Variants in OTUD7A observed in about 807,000 individuals in gnomAD.
OTUD7A encodes the protein OTU deubiquitinase 7A.
Under a neutral mutation model 65.7 loss-of-function variants are expected in OTUD7A, and 12 were observed. That is an observed-to-expected ratio of 0.18 (90% confidence interval 0.12 to 0.30). The LOEUF is 0.30. Among genes scored for constraint, OTUD7A ranks in the 10% least tolerant of loss-of-function variants. The pLI, the probability that OTUD7A is intolerant of heterozygous loss-of-function variation, is 1.00. For missense variants in OTUD7A, 1,148 were observed against 1,304.8 expected (o/e 0.88, Z 1.85); for synonymous variants, 641 against 586.3 (o/e 1.09, Z -1.35).
At chr15:31,778,336 T>C (rs1197738333) in intron 1 of OTUD7A, among the ~76,000 whole-genome samples, 1 of 152,008 alleles carries the variant, frequency 6.6e-6, no homozygotes, top group African/African-American at 2.4e-5. Context: ...AAATATACCA[T>C]GGGGTGCAGC....
chr15:31,781,157 A>C (rs1266125697), intron 1 of OTUD7A, among the ~76,000 whole-genome samples: 1 of 152,152 alleles, frequency 6.6e-6, no homozygotes, highest in Non-Finnish European at 1.5e-5. Flanking sequence ...CAGGACTGCT[A>C]GGATCAATAG....
chr15:31,622,638 C>A (rs1452981386), intron 3 of OTUD7A, among the ~76,000 whole-genome samples: 2 of 152,154 alleles, frequency 1.3e-5, no homozygotes, highest in South Asian at 2.1e-4. Context: ...GACTTCTCTG[C>A]ATTGGTTATT....
chr15:31,733,765 G>A (rs762153682), intron 1 of OTUD7A, among the ~76,000 whole-genome samples: 8 of 152,310 alleles, frequency 5.3e-5, no homozygotes, highest in East Asian at 1.9e-4. Flanking sequence ...CAAATGGCAA[G>A]TTTGTCAGAA....
chr15:31,635,019 T>C (rs577363571), intron 3 of OTUD7A, among the ~76,000 whole-genome samples: 1 of 152,296 alleles, frequency 6.6e-6, no homozygotes, highest in African/African-American at 2.4e-5. Context: ...TAACTTCAGT[T>C]CCACCTTAAA....
At position 31,708,759 on chromosome 15, in the gene OTUD7A, G is replaced by A. The variant is rs574661255; in HGVS notation, c.-99-51682C>T. The stretch of plus-strand genomic sequence containing the variant: ...CATTAGCATTTCAAGGGTCTTTTGA[G>A]GGAGACCCAGACAGAGAATTTTACT... On this transcript the variant is annotated intron_variant, in intron 1 of 12. Transcript: ENST00000307050. Among the ~76,000 whole-genome samples the A allele has an allele frequency of 2.9e-3, 441 of 151,830 alleles. 1 individual carries two copies. The highest frequency in any genetic ancestry group is 0.01 in the African/African-American group (428 of 41,224).
intron 1 of OTUD7A, among the ~76,000 whole-genome samples, chr15:31,854,961 G>C (rs558820577): frequency 6.6e-6 from 1 of 152,008 alleles, no homozygotes; most frequent in South Asian, 2.1e-4. Flanking sequence ...ATAGAATAAA[G>C]GCAATCAACC....
At chr15:31,596,341 C>T (rs1889902927) in intron 3 of OTUD7A, among the ~76,000 whole-genome samples, 1 of 152,204 alleles carries the variant, frequency 6.6e-6, no homozygotes, top group South Asian at 2.1e-4. Flanking sequence ...CCATTGAGTA[C>T]TATCTACTGT....
At chr15:31,603,408 T>C (rs1175991923) in intron 3 of OTUD7A, among the ~76,000 whole-genome samples, 3 of 152,180 alleles carry the variant, frequency 2.0e-5, no homozygotes, top group Non-Finnish European at 4.4e-5. Context: ...AAACTGAAAC[T>C]GGACCCCTTC....
At position 31,484,797 on chromosome 15, in the gene OTUD7A, C is replaced by T. The variant is rs2041211538; in HGVS notation, c.1372-73G>A. 3 of 1,525,796 alleles carry T rather than the reference C, an allele frequency of 2.0e-6. No individual in the cohort carries two copies. Among genetic ancestry groups the T allele is most frequent in the Non-Finnish European group, 1.8e-6 (2 of 1,139,802 alleles). 94.5% of individuals were successfully genotyped at this position (1,525,796 alleles called of 1,614,324 possible). On this transcript the variant is annotated intron_variant, in intron 12 of 12. Transcript: ENST00000307050. This position sits in a 1 kb window ranked among gnomAD's most constrained non-coding sequence, Gnocchi z 4.5. ...TCCACGCGCCAGCGAGGAAGACACACCTTGCCCCTGTGTTGCCGAGGCTAG... is the reference window on the plus strand; with the variant it reads ...TCCACGCGCCAGCGAGGAAGACACATCTTGCCCCTGTGTTGCCGAGGCTAG...
Position 31,765,717 on chromosome 15 carries a change from C to G in OTUD7A, c.-100+104790G>C, listed in dbSNP as rs1453162219. On this transcript the variant is annotated intron_variant, in intron 1 of 12. Transcript: ENST00000307050. ...TATGGCTTCATTTATCAAAGTTCCA[C>G]AAGTATTACATACTTTTTAATTCAG... 7 of 995,582 alleles carry G rather than the reference C, an allele frequency of 7.0e-6. No homozygotes were observed. In the African/African-American group the frequency reaches 9.8e-5, roughly 14 times the overall value. The allele number at this position is 995,582 out of a possible 1,614,324, so 61.7% of individuals were successfully genotyped here.
At chr15:31,553,740 C>T (rs1888401931) in intron 5 of OTUD7A, among the ~76,000 whole-genome samples, 1 of 151,990 alleles carries the variant, frequency 6.6e-6, no homozygotes, top group South Asian at 2.1e-4. Context: ...ACCCCATAGC[C>T]GTGTCTCTCT....
In OTUD7A at chr15:31,711,907, T is replaced by G. The variant is rs566658610; in HGVS notation, c.-99-54830A>C. 2.6e-5 allele frequency among the ~76,000 whole-genome samples: 4 copies of G among 152,170 alleles called. No individual in the cohort carries two copies. In the East Asian group the frequency reaches 7.7e-4, roughly 29 times the overall value. Reference sequence around the variant, plus strand: ...AGGACAATGGCCTGAAAGGTGATTTTTCCTGCTTCCTTGGCAGATGGCGGT... The same window carrying G: ...AGGACAATGGCCTGAAAGGTGATTTGTCCTGCTTCCTTGGCAGATGGCGGT... On this transcript the variant is annotated intron_variant, in intron 1 of 12. Coordinates refer to ENST00000307050, the MANE Select transcript of OTUD7A (RefSeq NM_001382637.1).
chr15:31,739,553 A>T (rs1340018529), intron 1 of OTUD7A, among the ~76,000 whole-genome samples: 1 of 152,202 alleles, frequency 6.6e-6, no homozygotes, highest in Non-Finnish European at 1.5e-5. Context: ...CTTTCAAATA[A>T]CTACTAAGGT....
intron 1 of OTUD7A, among the ~76,000 whole-genome samples, chr15:31,702,833 T>C (rs1893244342): frequency 1.3e-5 from 2 of 151,198 alleles, no homozygotes; most frequent in African/African-American, 2.4e-5. Flanking sequence ...GAAGAATCAA[T>C]CTAGCCAATT....
chr15:31,678,897 G>C (rs1288717850), intron 1 of OTUD7A, among the ~76,000 whole-genome samples: 2 of 152,212 alleles, frequency 1.3e-5, no homozygotes, highest in African/African-American at 4.8e-5. Context: ...TCCACCAACA[G>C]CTTGTACTGT....
chr15:31,630,545 GA>G (rs1170077936), intron 3 of OTUD7A, among the ~76,000 whole-genome samples: 2 of 152,210 alleles, frequency 1.3e-5, no homozygotes, highest in Admixed American at 6.5e-5. Flanking sequence ...GTGTGGTGCT[GA>G]AAAAAATGTA....
At chr15:31,859,597 A>T (rs549458354) in intron 1 of OTUD7A, among the ~76,000 whole-genome samples, 2 of 152,348 alleles carry the variant, frequency 1.3e-5, no homozygotes, top group South Asian at 4.1e-4. Flanking sequence ...AGAGAAGAGG[A>T]ACTCATGGTC....
rs1300514864 is a variant in OTUD7A, at chr15:31,475,870, C to G, written c.*7424G>C. 1.3e-5 allele frequency: 2 copies of G among 152,128 alleles called. No homozygotes were observed. The highest frequency in any genetic ancestry group is 2.9e-5 in the Non-Finnish European group (2 of 68,024). The allele number at this position is 152,128 out of a possible 1,614,324, so 9.4% of individuals were successfully genotyped here. The stretch of plus-strand genomic sequence containing the variant: ...GAGAAATAAAGCAACATATATCATC[C>G]AAAAATCAGTCAAAGAAACCAAAAA... On this transcript the variant is annotated 3_prime_UTR_variant, in exon 13 of 13. Coordinates refer to ENST00000307050, the MANE Select transcript of OTUD7A (RefSeq NM_001382637.1).
chr15:31,517,175 G>A (rs4779540), intron 8 of OTUD7A, among the ~76,000 whole-genome samples: 27,619 of 152,188 alleles, frequency 0.18, 3,006 homozygotes, highest in East Asian at 0.37. Flanking sequence ...TCCCATGAAA[G>A]GCACACTGTA....
Sources: allele counts gnomAD v4.1 joint callset (sites outside exome capture counted in the v4.1 genomes callset), GRCh38; gene constraint gnomAD v4.1.1; non-coding constraint Gnocchi (gnomAD v3.1); transcripts MANE v1.5; gene names NCBI Gene and HGNC (gene_info 2026-07-23, HGNC 2026-07-21).